SOS1: variants seen among roughly 807,000 people sequenced by gnomAD.
SOS1 encodes son of sevenless homolog 1.
In SOS1, 25 loss-of-function variants were observed where a neutral mutation model predicts 157.6. The observed-to-expected ratio is 0.16, with a 90% CI of 0.12 to 0.22. The LOEUF (loss-of-function observed/expected upper bound fraction) is 0.22, where lower values mean the gene tolerates loss of function less well. SOS1 is among the 10% of genes least tolerant of loss of function. SOS1 has a pLI of 1.00. For missense variants in SOS1, 1,237 were observed against 1,599.1 expected, an observed-to-expected ratio of 0.77 and a Z score of 3.86; for synonymous variants, 528 against 534.0, an observed-to-expected ratio of 0.99 and a Z score of 0.16.
chr2:39,053,988 C>T (rs1480950718), intron 5 of SOS1, among the ~76,000 whole-genome samples: 2 of 151,476 alleles, frequency 1.3e-5, no homozygotes, highest in African/African-American at 4.9e-5. Context: ...AGTGCAGTGG[C>T]GCGATCTCGG....
At position 38,985,343 on chromosome 2, in the gene SOS1, A is replaced by G. The variant is rs1469219992; in HGVS notation, c.*481T>C. 1.1e-5 allele frequency: 2 copies of G among 190,168 alleles called. No individual in the cohort carries two copies. The highest frequency in any genetic ancestry group is 2.4e-5 in the African/African-American group (1 of 42,014). The allele number at this position is 190,168 out of a possible 1,614,324, so 11.8% of individuals were successfully genotyped here. On this transcript the variant is annotated 3_prime_UTR_variant, in exon 23 of 23. Transcript: ENST00000402219. ...CACAGCCTTTCCTCACAGTCCTTTGAGTGATTTTTAAGAAAATATTCTAAA... is the reference window on the plus strand; with the variant it reads ...CACAGCCTTTCCTCACAGTCCTTTGGGTGATTTTTAAGAAAATATTCTAAA...
rs191887340 is a variant in SOS1, at chr2:39,037,481, C to G, written c.865-1981G>C. ...TACTGTATGAATATATCAGTTTTCT[C>G]TAATCCATTCTCCACTGATAGATAA... is the stretch of plus-strand genomic sequence containing the variant. On this transcript the variant is annotated intron_variant, in intron 6 of 22. Coordinates refer to ENST00000402219, the MANE Select transcript of SOS1 (RefSeq NM_005633.4). Among the ~76,000 whole-genome samples, 23 of 152,224 alleles carry G rather than the reference C, an allele frequency of 1.5e-4. 1 individual carries two copies. The highest frequency in any genetic ancestry group is 1.4e-3 in the Admixed American group (22 of 15,290).
intron 21 of SOS1, 103 bp downstream of exon 21, chr2:38,989,167 C>G: frequency 1.3e-6 from 1 of 777,028 alleles, no homozygotes; most frequent in Non-Finnish European, 2.3e-6. Context: ...AGCAAGGTAC[C>G]AATGCTGCCA....
At chr2:39,064,742 A>ATTTTTTTTTTTTTTTTTTTTTTTTTTT (rs4015841) in intron 2 of SOS1, among the ~76,000 whole-genome samples, 1 of 74,816 alleles carries the variant, frequency 1.3e-5, no homozygotes, top group African/African-American at 5.5e-5. Flanking sequence ...TTTAAAATAC[A>ATTTTTTTTTTTTTTTTTTTTTTTTTTT]TTTTTTTTTT....
intron 1 of SOS1, among the ~76,000 whole-genome samples, chr2:39,108,412 C>T (rs927235526): frequency 4.6e-5 from 7 of 152,206 alleles, no homozygotes; most frequent in East Asian, 1.9e-4. Context: ...TTGATTCACA[C>T]GATCTGGCCC....
intron 4 of SOS1, 121 bp downstream of exon 4, chr2:39,056,581 T>G (rs1431235795): frequency 4.2e-6 from 3 of 710,834 alleles, no homozygotes; most frequent in Non-Finnish European, 7.5e-6. Flanking sequence ...TCCCTACTAT[T>G]AGGTTACTGG....
chr2:39,118,232 A>C (rs1261707612), intron 1 of SOS1, among the ~76,000 whole-genome samples: 2 of 152,244 alleles, frequency 1.3e-5, no homozygotes, highest in Non-Finnish European at 2.9e-5. Context: ...GGATGAAGGG[A>C]CTAGCATATC....
chr2:39,051,241 C>T lies in SOS1; in HGVS notation c.767G>A (p.Ser256Asn). The T allele has an allele frequency of 6.2e-7, 1 of 1,612,172 alleles. No individual in the cohort carries two copies. The part of the protein sequence containing the change: ...FSRIVDIHEL[S>N]VKLLGHIEDT... ...TTCTATATGGCCCAGTAACTTTACA[C>T]TAAGTTCATGTATATCTACTATGCG... is the stretch of plus-strand genomic sequence containing the variant. Residue 256 changes from serine (S) to asparagine (N), a missense_variant, in exon 6 of 23, where the codon AGT becomes AAT. Ser to Asn is a conservative substitution (Grantham distance 46). Coordinates refer to ENST00000402219, the MANE Select transcript of SOS1 (RefSeq NM_005633.4).
intron 2 of SOS1, among the ~76,000 whole-genome samples, chr2:39,065,237 G>A (rs572512325): frequency 2.6e-4 from 39 of 152,182 alleles, no homozygotes; most frequent in African/African-American, 5.8e-4. Flanking sequence ...ATTATTTCCC[G>A]ATAAAAGAAT....
At chr2:39,059,093 TTAAATAG>T (rs1165821679) in intron 2 of SOS1, among the ~76,000 whole-genome samples, 1 of 152,086 alleles carries the variant, frequency 6.6e-6, no homozygotes, top group Non-Finnish European at 1.5e-5. Context: ...AGAAGCTACT[TTAAATAG>T]TACTTGTATA....
chr2:39,065,921 A>G (rs1342491293), intron 2 of SOS1, among the ~76,000 whole-genome samples: 1 of 152,234 alleles, frequency 6.6e-6, no homozygotes, highest in Non-Finnish European at 1.5e-5. Flanking sequence ...GGATTATTAC[A>G]AAGTTTAAAT....
At chr2:39,070,483 T>A (rs1431463281) in intron 1 of SOS1, among the ~76,000 whole-genome samples, 2 of 152,128 alleles carry the variant, frequency 1.3e-5, no homozygotes, top group East Asian at 3.9e-4. Context: ...TTCACTCCCT[T>A]CTCTTCTGCC....
intron 1 of SOS1, among the ~76,000 whole-genome samples, chr2:39,096,731 A>G (rs1672777708): frequency 6.6e-6 from 1 of 151,972 alleles, no homozygotes; most frequent in African/African-American, 2.4e-5. Context: ...TAAAAATACA[A>G]AAAAATTAGC....
intron 6 of SOS1, among the ~76,000 whole-genome samples, chr2:39,040,603 T>C (rs1670536054): frequency 6.6e-6 from 1 of 152,220 alleles, no homozygotes; most frequent in African/African-American, 2.4e-5. Context: ...GTTTGGCTTA[T>C]TTTATTAGCA....
chr2:39,047,109 T>C (rs1279958675), intron 6 of SOS1, among the ~76,000 whole-genome samples: 1 of 152,180 alleles, frequency 6.6e-6, no homozygotes, highest in African/African-American at 2.4e-5. Context: ...GAAATCTTCA[T>C]GTTTCCCAGT....
In SOS1 at chr2:39,013,464, T is replaced by C. The variant is rs1338261626; in HGVS notation, c.2163A>G (p.Val721=). 6.3e-7 allele frequency: 1 copy of C among 1,597,164 alleles called. No homozygotes were observed. Among genetic ancestry groups the C allele is most frequent in the Non-Finnish European group, 8.6e-7 (1 of 1,164,858 alleles). The change falls in exon 13 of 23, where the codon GTA becomes GTG. Residue 721 remains valine (V), a synonymous_variant. Coordinates refer to ENST00000402219, the MANE Select transcript of SOS1 (RefSeq NM_005633.4). Reference sequence around the variant, plus strand: ...CACCTAAAAAAAAAAACATACCTCTTACTGTTCCAATAAATTCTTCCATTC... The same window carrying C: ...CACCTAAAAAAAAAAACATACCTCTCACTGTTCCAATAAATTCTTCCATTC... ...LQRMEEFIGT[V]RGKAMKKWVE...
chr2:39,012,318 A>G lies in SOS1; in HGVS notation c.2198T>C (p.Ile733Thr). 1 of 1,609,812 alleles carries G rather than the reference A, an allele frequency of 6.2e-7. No individual in the cohort carries two copies. The highest frequency in any genetic ancestry group is 8.5e-7 in the Non-Finnish European group (1 of 1,176,304). ...TTTTTTCCTTTGGATTATTTTAGTG[A>G]TGGATTCAACCCATTTTTTCATTGC... ...GKAMKKWVESITKIIQRKKIA... is the reference protein window; with the variant it reads ...GKAMKKWVESTTKIIQRKKIA... Residue 733 changes from isoleucine to threonine, a missense_variant, in exon 14 of 23, where the codon ATC becomes ACC. Ile to Thr is a moderately conservative substitution (Grantham distance 89). Transcript: ENST00000402219.
intron 1 of SOS1, 120 bp from the exon 2 acceptor site, chr2:39,067,873 C>G (rs1012986113): frequency 2.4e-6 from 2 of 841,534 alleles, no homozygotes; most frequent in Non-Finnish European, 4.0e-6. Flanking sequence ...AATGCCAGCA[C>G]TCTGGGAGGC....
chr2:38,987,565 A>C lies in SOS1; in HGVS notation c.3418T>G (p.Leu1140Val). Reference sequence around the variant, plus strand: ...GGCACTTCATCAGTGCCTTTGGTTAAACTTATAGATGATACAGAAGCAGAT... The same window carrying C: ...GGCACTTCATCAGTGCCTTTGGTTACACTTATAGATGATACAGAAGCAGAT... ...PRSASVSSIS[L>V]TKGTDEVPVP... The change falls in exon 22 of 23, where the codon TTA (leucine) becomes GTA (valine). Residue 1140 changes from leucine (L) to valine (V), a missense_variant. Coordinates refer to ENST00000402219, the MANE Select transcript of SOS1 (RefSeq NM_005633.4). The C allele has an allele frequency of 6.3e-7, 1 of 1,589,614 alleles. No homozygotes were observed. The highest frequency in any genetic ancestry group is 8.6e-7 in the Non-Finnish European group (1 of 1,159,616).
Sources: allele counts gnomAD v4.1 joint callset (sites outside exome capture counted in the v4.1 genomes callset), GRCh38; gene constraint gnomAD v4.1.1; transcripts MANE v1.5; gene names NCBI Gene and HGNC (gene_info 2026-07-23, HGNC 2026-07-21).